The following CCDC91 variants were observed in gnomAD, a reference collection of about 807,000 sequenced individuals.
CCDC91 encodes coiled-coil domain containing 91.
A neutral mutation model predicts 63.2 loss-of-function variants in CCDC91; 48 were observed. That is an observed-to-expected ratio of 0.76 (90% CI 0.60 to 0.97). The LOEUF (loss-of-function observed/expected upper bound fraction) is 0.97, where lower values mean the gene tolerates loss of function less well. CCDC91 is among the 50% of genes least tolerant of loss of function. CCDC91 has a pLI of 0.00. For synonymous variants in CCDC91, 167 were observed against 165.8 expected (o/e 1.01, Z -0.06); for missense variants, 500 against 494.6 (o/e 1.01, Z -0.10).
intron 7 of CCDC91, among the ~76,000 whole-genome samples, chr12:28,367,002 C>G (rs1335450552): frequency 6.6e-6 from 1 of 151,904 alleles, no homozygotes; most frequent in East Asian, 1.9e-4. Context: ...GGAGTGGTGT[C>G]CTGTCAGAAG....
At chr12:28,229,551 A>G (rs1474342196) in intron 1 of CCDC91, among the ~76,000 whole-genome samples, 1 of 152,206 alleles carries the variant, frequency 6.6e-6, no homozygotes, top group Admixed American at 6.5e-5. Context: ...AGAGCATTCC[A>G]GGGACTGGCT....
chr12:28,475,652 G>A (rs745778075), intron 11 of CCDC91, among the ~76,000 whole-genome samples: 1 of 152,012 alleles, frequency 6.6e-6, no homozygotes, highest in Non-Finnish European at 1.5e-5. Context: ...TCTGTCTTGA[G>A]TGCTCTTGCC....
intron 12 of CCDC91, among the ~76,000 whole-genome samples, chr12:28,510,236 CAT>C (rs1491407717): frequency 1.5e-5 from 2 of 135,944 alleles, no homozygotes; most frequent in Non-Finnish European, 3.0e-5. Flanking sequence ...GTCAATAGGG[CAT>C]GTGTGTGTGT....
intron 3 of CCDC91, among the ~76,000 whole-genome samples, chr12:28,295,244 G>A (rs984737274): frequency 6.6e-6 from 1 of 151,986 alleles, no homozygotes; most frequent in African/African-American, 2.4e-5. Context: ...CATTTGCCTG[G>A]TTCCCTCATT....
chr12:28,304,981 G>A (rs1947918910), intron 3 of CCDC91, among the ~76,000 whole-genome samples: 1 of 152,012 alleles, frequency 6.6e-6, no homozygotes, highest in Admixed American at 6.6e-5. Flanking sequence ...AAAAAGAAAA[G>A]AAAAGTTATT....
chr12:28,418,966 A>G (rs1947843453), intron 8 of CCDC91, among the ~76,000 whole-genome samples: 1 of 152,214 alleles, frequency 6.6e-6, no homozygotes, highest in African/African-American at 2.4e-5. Context: ...ATGTTTAATG[A>G]GGACTAATCA....
intron 12 of CCDC91, among the ~76,000 whole-genome samples, chr12:28,485,637 A>G (rs1592815697): frequency 6.6e-6 from 1 of 152,160 alleles, no homozygotes; most frequent in East Asian, 1.9e-4. Context: ...TATTGGATTA[A>G]ATCTTTGTAC....
Position 28,194,976 on chromosome 12 carries a change from A to G in CCDC91, c.-15+4335A>G, listed in dbSNP as rs150403928. ...GACCCAAAGAGTGAGCAGCAGCAAG[A>G]TTTATTGCGAACAGTGAAAGAACAA... On this transcript the variant is annotated intron_variant, in intron 1 of 12. Coordinates refer to ENST00000536442, the MANE Select transcript of CCDC91 (RefSeq NM_018318.5). 3.5e-4 allele frequency among the ~76,000 whole-genome samples: 54 copies of G among 152,278 alleles called. No individual in the cohort carries two copies. In the East Asian group the frequency reaches 9.6e-3, roughly 27 times the overall value.
At chr12:28,301,692 A>T (rs1938097203) in intron 3 of CCDC91, among the ~76,000 whole-genome samples, 1 of 151,622 alleles carries the variant, frequency 6.6e-6, no homozygotes, top group Non-Finnish European at 1.5e-5. Context: ...TCTGAGCCTG[A>T]TGCTTTCTTT....
chr12:28,369,916 G>A (rs1944507386), intron 7 of CCDC91, among the ~76,000 whole-genome samples: 1 of 152,156 alleles, frequency 6.6e-6, no homozygotes, highest in Admixed American at 6.5e-5. Context: ...CATGTCCAGA[G>A]ACTGCATAGA....
intron 3 of CCDC91, among the ~76,000 whole-genome samples, chr12:28,270,272 T>A (rs1486934522): frequency 1.3e-5 from 2 of 152,126 alleles, no homozygotes; most frequent in Admixed American, 6.6e-5. Context: ...TTTAGAGATA[T>A]ACTTTAGAAC....
chr12:28,252,105 T>G (rs142596093), intron 1 of CCDC91, among the ~76,000 whole-genome samples: 185 of 152,246 alleles, frequency 1.2e-3, no homozygotes, highest in African/African-American at 4.4e-3. Flanking sequence ...TTAAAAGCAT[T>G]ATTAGTCCAT....
At chr12:28,281,235 T>A (rs1311399593) in intron 3 of CCDC91, among the ~76,000 whole-genome samples, 1 of 152,192 alleles carries the variant, frequency 6.6e-6, no homozygotes, top group Non-Finnish European at 1.5e-5. Context: ...TTTGTATCAG[T>A]CATGGTTCAA....
At position 28,257,156 on chromosome 12, in the gene CCDC91, ATGAC is replaced by A. The variant is rs1946510055; in HGVS notation, c.-14-43_-14-40del. 1.9e-5 allele frequency: 21 copies of A among 1,124,836 alleles called. 1 individual carries two copies. In the South Asian group the frequency reaches 2.7e-4, roughly 14 times the overall value. 69.7% of individuals were successfully genotyped at this position (1,124,836 alleles called of 1,614,324 possible). ...TAAGTTGGAGAGTATTTTGACATAA[ATGAC>A]TGTGTGTGTGCGGGCTTGTTTCAAT... On this transcript the variant is annotated intron_variant, in intron 1 of 12. Transcript: ENST00000536442.
chr12:28,236,431 T>G (rs1175172550), intron 1 of CCDC91: 1 of 152,082 alleles, frequency 6.6e-6, no homozygotes, highest in African/African-American at 2.4e-5. Flanking sequence ...CTGTTTAATT[T>G]TTTGGCTTGC....
At chr12:28,504,013 C>A (rs1938365119) in intron 12 of CCDC91, among the ~76,000 whole-genome samples, 1 of 151,766 alleles carries the variant, frequency 6.6e-6, no homozygotes, top group Non-Finnish European at 1.5e-5. Flanking sequence ...TACAGCACAC[C>A]AGCATGGCAC....
chr12:28,452,067 A>G (rs1949829802), intron 10 of CCDC91, among the ~76,000 whole-genome samples: 1 of 151,466 alleles, frequency 6.6e-6, no homozygotes, highest in Non-Finnish European at 1.5e-5. Context: ...ATTATTTGTT[A>G]ATATCATGCA....
intron 3 of CCDC91, among the ~76,000 whole-genome samples, chr12:28,273,799 ACT>A (rs1190082691): frequency 6.6e-6 from 1 of 151,756 alleles, no homozygotes; most frequent in Admixed American, 6.6e-5. Flanking sequence ...TTGCCTGTTC[ACT>A]CTGATGGTAG....
chr12:28,267,743 A>ATATTACTATATAATTATATATAAT (rs1466639854), intron 3 of CCDC91, among the ~76,000 whole-genome samples: 4 of 62,378 alleles, frequency 6.4e-5, no homozygotes, highest in African/African-American at 2.0e-4. Flanking sequence ...ATATATAATT[A>ATATTACTATATAATTATATATAAT]TATATTACTA....
Sources: gnomAD v4.1 joint callset for allele counts (sites outside exome capture counted in the v4.1 genomes callset) on GRCh38, gnomAD v4.1.1 for gene constraint, MANE v1.5 for transcripts, NCBI Gene and HGNC (gene_info 2026-07-23, HGNC 2026-07-21) for gene names.